The following MACROD2 variants were observed in gnomAD, a reference collection of about 807,000 sequenced individuals.
The protein encoded by MACROD2 is ADP-ribose glycohydrolase MACROD2.
Under a neutral mutation model 70.4 loss-of-function variants are expected in MACROD2, and 36 were observed. That is an observed-to-expected ratio of 0.51 (90% confidence interval 0.39 to 0.68). MACROD2 has a LOEUF of 0.68. MACROD2 is among the 30% of genes least tolerant of loss of function. The probability of loss-of-function intolerance (pLI) is 0.00; values close to 1 mark genes in which losing one functional copy is unlikely to be tolerated. For missense variants in MACROD2, 496 were observed against 538.4 expected (o/e 0.92, Z 0.78); for synonymous variants, 172 against 178.8 (o/e 0.96, Z 0.30).
intron 15 of MACROD2, among the ~76,000 whole-genome samples, chr20:16,006,343 GTC>G (rs1469850969): frequency 6.6e-6 from 1 of 152,152 alleles, no homozygotes; most frequent in African/African-American, 2.4e-5. Context: ...TGTTTGCTAA[GTC>G]TCTTAGCCTT....
chr20:14,036,112 A>G (rs774122336), intron 2 of MACROD2, among the ~76,000 whole-genome samples: 1 of 152,038 alleles, frequency 6.6e-6, no homozygotes, highest in Non-Finnish European at 1.5e-5. Context: ...ACTGCACTCC[A>G]GCCTGGGTGA....
chr20:14,933,236 A>G (rs1287720042), intron 5 of MACROD2, among the ~76,000 whole-genome samples: 1 of 152,166 alleles, frequency 6.6e-6, no homozygotes, highest in Non-Finnish European at 1.5e-5. Context: ...TCTTACAATC[A>G]TAGAAACAGA....
intron 5 of MACROD2, among the ~76,000 whole-genome samples, chr20:15,192,594 C>A (rs6105371): frequency 0.79 from 120,087 of 152,122 alleles, 47,767 homozygotes; most frequent in East Asian, 0.96. Context: ...CCTGCTAATA[C>A]TCAGGGATCC....
At position 15,986,709 on chromosome 20, in the gene MACROD2, A is replaced by G; in HGVS notation, c.986-18A>G. On this transcript the variant is annotated intron_variant, in intron 13 of 17. Transcript: ENST00000684519. Reference sequence around the variant, plus strand: ...GCATATCACATTTCTTTTATTTTTCAATCACTGTTTTGAACAGGACAAGAG... The same window carrying G: ...GCATATCACATTTCTTTTATTTTTCGATCACTGTTTTGAACAGGACAAGAG... 1 of 1,594,234 alleles carries G rather than the reference A, an allele frequency of 6.3e-7. No individual in the cohort carries two copies. Among genetic ancestry groups the G allele is most frequent in the Admixed American group, 1.7e-5 (1 of 59,028 alleles).
intron 6 of MACROD2, among the ~76,000 whole-genome samples, chr20:15,307,156 T>G (rs1039363657): frequency 2.0e-5 from 3 of 152,128 alleles, no homozygotes; most frequent in Non-Finnish European, 4.4e-5. Context: ...GAGCAAATAT[T>G]CAAGCTATAT....
intron 5 of MACROD2, chr20:14,850,006 A>G (rs760096539): frequency 5.8e-6 from 3 of 517,584 alleles, no homozygotes; most frequent in Admixed American, 1.9e-5. Context: ...AAGATTAAGT[A>G]TGTTTCTCTA....
chr20:15,815,253 G>A (rs2063860874), intron 8 of MACROD2, among the ~76,000 whole-genome samples: 1 of 152,130 alleles, frequency 6.6e-6, no homozygotes, highest in Non-Finnish European at 1.5e-5. Context: ...GCTCGCCTGA[G>A]TTAGGTAAAA....
rs1009908616 is a variant in MACROD2 at position 15,165,314 on chromosome 20, G to C, written c.419-64626G>C. ...CTACTAAAAATACAAAAATTAGCCAGGTGTTGTGGTGTGCAGTTGTAATCC... is the reference window on the plus strand; with the variant it reads ...CTACTAAAAATACAAAAATTAGCCACGTGTTGTGGTGTGCAGTTGTAATCC... On this transcript the variant is annotated intron_variant, in intron 5 of 17. Transcript: ENST00000684519. Among the ~76,000 whole-genome samples the C allele has an allele frequency of 5.9e-5, 9 of 152,240 alleles. 1 individual carries two copies. Among genetic ancestry groups the C allele is most frequent in the Middle Eastern group, 6.8e-3 (2 of 294 alleles).
At chr20:15,860,822 A>G (rs1267675622) in intron 8 of MACROD2, among the ~76,000 whole-genome samples, 3 of 152,168 alleles carry the variant, frequency 2.0e-5, no homozygotes, top group Non-Finnish European at 4.4e-5. Flanking sequence ...GAGGCACTTT[A>G]AATTTTTGGA....
At chr20:15,161,638 A>G (rs2076349252) in intron 5 of MACROD2, among the ~76,000 whole-genome samples, 1 of 152,006 alleles carries the variant, frequency 6.6e-6, no homozygotes. Flanking sequence ...AAAAAACACC[A>G]TCTGGATGCT....
intron 5 of MACROD2, among the ~76,000 whole-genome samples, chr20:15,160,397 T>A (rs1404943642): frequency 6.6e-6 from 1 of 152,162 alleles, no homozygotes; most frequent in African/African-American, 2.4e-5. Flanking sequence ...AACCACTCTA[T>A]TGCAATTTCG....
At chr20:14,242,129 C>T (rs971617172) in intron 3 of MACROD2, among the ~76,000 whole-genome samples, 2 of 151,994 alleles carry the variant, frequency 1.3e-5, no homozygotes, top group African/African-American at 4.8e-5. Context: ...TTGGGTTATT[C>T]AAAATAACAT....
chr20:15,224,486 C>G (rs937748707), intron 5 of MACROD2, among the ~76,000 whole-genome samples: 3 of 152,212 alleles, frequency 2.0e-5, no homozygotes, highest in Admixed American at 1.3e-4. Flanking sequence ...ACATTGATCT[C>G]TGACTTTGGG....
At chr20:15,371,094 C>T (rs1173006754) in intron 6 of MACROD2, among the ~76,000 whole-genome samples, 2 of 152,066 alleles carry the variant, frequency 1.3e-5, no homozygotes, top group Admixed American at 6.6e-5. Flanking sequence ...TTTAAAATTG[C>T]TCAGTGCTTT....
intron 8 of MACROD2, among the ~76,000 whole-genome samples, chr20:15,715,590 CCTGT>C (rs1329471040): frequency 7.9e-5 from 12 of 152,092 alleles, no homozygotes; most frequent in Non-Finnish European, 1.6e-4. Context: ...TTGTGGTTTT[CCTGT>C]CTATGAGATA....
chr20:15,440,695 T>G (rs1452734413), intron 7 of MACROD2, among the ~76,000 whole-genome samples: 1 of 152,154 alleles, frequency 6.6e-6, no homozygotes, highest in East Asian at 1.9e-4. Context: ...GCTGTGCATA[T>G]TTACAGAGGA....
chr20:15,670,407 T>C (rs2049964035), intron 8 of MACROD2, among the ~76,000 whole-genome samples: 1 of 152,176 alleles, frequency 6.6e-6, no homozygotes, highest in Non-Finnish European at 1.5e-5. Flanking sequence ...CAACACGAAC[T>C]TCTACAGACA....
chr20:15,873,674 T>C (rs1372710814), intron 9 of MACROD2, among the ~76,000 whole-genome samples: 1 of 150,456 alleles, frequency 6.6e-6, no homozygotes, highest in Non-Finnish European at 1.5e-5. Flanking sequence ...GATTTTAAAA[T>C]ATATAAAAAA....
chr20:15,390,539 A>G (rs1446389759), intron 6 of MACROD2, among the ~76,000 whole-genome samples: 1 of 152,188 alleles, frequency 6.6e-6, no homozygotes, highest in African/African-American at 2.4e-5. Context: ...GTAACCATTT[A>G]ATTAAACATA....
Sources: gnomAD v4.1 joint callset for allele counts (sites outside exome capture counted in the v4.1 genomes callset) on GRCh38, gnomAD v4.1.1 for gene constraint, MANE v1.5 for transcripts, NCBI Gene and HGNC (gene_info 2026-07-23, HGNC 2026-07-21) for gene names.